EZR: variants seen among roughly 807,000 people sequenced by gnomAD.
EZR encodes ezrin.
A neutral mutation model predicts 74.8 loss-of-function variants in EZR; 40 were observed. The ratio of observed to expected loss-of-function variants is 0.53; its 90% CI spans 0.42 to 0.70. The LOEUF (loss-of-function observed/expected upper bound fraction) is 0.70, where lower values mean the gene tolerates loss of function less well. Ranked by LOEUF, EZR falls within the 30% of genes least tolerant of loss-of-function variation. The probability of loss-of-function intolerance (pLI) is 0.00; values close to 1 mark genes in which losing one functional copy is unlikely to be tolerated. For synonymous variants in EZR, 341 were observed against 283.3 expected, an observed-to-expected ratio of 1.20 and a Z score of -2.05; for missense variants, 678 against 755.8, an observed-to-expected ratio of 0.90 and a Z score of 1.21.
chr6:158,779,115 CTAAGA>C (rs895068214), intron 7 of EZR, among the ~76,000 whole-genome samples: 8 of 152,112 alleles, frequency 5.3e-5, no homozygotes, highest in South Asian at 2.1e-4. Context: ...TTAGCACCAC[CTAAGA>C]TAAGATATAC....
chr6:158,805,802 T>G (rs925117330), intron 2 of EZR, among the ~76,000 whole-genome samples: 4 of 152,192 alleles, frequency 2.6e-5, no homozygotes, highest in African/African-American at 9.7e-5. Flanking sequence ...AAAGACATGG[T>G]GTACATTTTA....
intron 7 of EZR, among the ~76,000 whole-genome samples, chr6:158,781,257 T>G (rs1791424901): frequency 6.6e-6 from 1 of 152,190 alleles, no homozygotes; most frequent in Non-Finnish European, 1.5e-5. Flanking sequence ...ATTAAATGAC[T>G]GAATATCTAC....
intron 2 of EZR, among the ~76,000 whole-genome samples, chr6:158,815,064 C>G (rs1219729644): frequency 6.6e-6 from 1 of 152,098 alleles, no homozygotes; most frequent in African/African-American, 2.4e-5. Flanking sequence ...TGTGTTTGCC[C>G]CTTAATCCAG....
intron 8 of EZR, among the ~76,000 whole-genome samples, chr6:158,773,451 G>C (rs1452666570): frequency 6.6e-6 from 1 of 152,226 alleles, no homozygotes; most frequent in Non-Finnish European, 1.5e-5. Context: ...CCTGATGCAG[G>C]ATGCAGCTTC....
At chr6:158,809,708 G>C (rs1476259766) in intron 2 of EZR, among the ~76,000 whole-genome samples, 2 of 152,076 alleles carry the variant, frequency 1.3e-5, no homozygotes, top group Non-Finnish European at 2.9e-5. Flanking sequence ...TATATACAAG[G>C]TTAGAATAAA....
intron 2 of EZR, 181 bp downstream of exon 2, chr6:158,817,901 A>T: frequency 2.0e-6 from 1 of 491,822 alleles, no homozygotes; most frequent in Non-Finnish European, 3.6e-6. Context: ...GTGTTTTCCT[A>T]ACGCTCCACA....
At chr6:158,815,117 C>G (rs375428016) in intron 2 of EZR, among the ~76,000 whole-genome samples, 1 of 152,178 alleles carries the variant, frequency 6.6e-6, no homozygotes, top group South Asian at 2.1e-4. Flanking sequence ...ACATTCTTCG[C>G]TAACATTCTT....
intron 2 of EZR, among the ~76,000 whole-genome samples, chr6:158,811,911 G>A (rs1486729319): frequency 7.5e-6 from 1 of 133,888 alleles, no homozygotes; most frequent in African/African-American, 2.7e-5. Context: ...ATTAACAAAA[G>A]AGGCCAGTGT....
chr6:158,803,545 GTATATA>G (rs1428301652), intron 2 of EZR, among the ~76,000 whole-genome samples: 2 of 11,202 alleles, frequency 1.8e-4, no homozygotes, highest in South Asian at 3.1e-3. Flanking sequence ...ATATATATAT[GTATATA>G]TATATATATA....
intron 2 of EZR, among the ~76,000 whole-genome samples, chr6:158,802,507 T>C (rs965030002): frequency 1.3e-5 from 2 of 152,212 alleles, no homozygotes; most frequent in Non-Finnish European, 2.9e-5. Context: ...TACTTGACTA[T>C]GGCTAGTTAG....
intron 2 of EZR, among the ~76,000 whole-genome samples, chr6:158,802,619 C>T (rs1777210880): frequency 6.6e-6 from 1 of 152,178 alleles, no homozygotes; most frequent in Non-Finnish European, 1.5e-5. Flanking sequence ...GCAACCTCCA[C>T]CTCCCGGGTT....
intron 3 of EZR, among the ~76,000 whole-genome samples, chr6:158,789,047 T>G (rs1176418737): frequency 6.6e-6 from 1 of 152,258 alleles, no homozygotes; most frequent in East Asian, 1.9e-4. Flanking sequence ...TGAATCCGCC[T>G]GACTTTATAC....
chr6:158,803,607 A>G (rs1422999755), intron 2 of EZR, among the ~76,000 whole-genome samples: 1 of 15,154 alleles, frequency 6.6e-5, no homozygotes, highest in East Asian at 1.2e-3. Flanking sequence ...ATATATATAC[A>G]TATATATATA....
At chr6:158,797,477 T>C (rs1344240049) in intron 2 of EZR, among the ~76,000 whole-genome samples, 1 of 152,204 alleles carries the variant, frequency 6.6e-6, no homozygotes, top group Non-Finnish European at 1.5e-5. Context: ...AGTAGAGCCA[T>C]CCAGCCACCA....
chr6:158,781,546 T>C (rs1343941954), intron 7 of EZR, among the ~76,000 whole-genome samples: 1 of 152,176 alleles, frequency 6.6e-6, no homozygotes, highest in Non-Finnish European at 1.5e-5. Flanking sequence ...ATGGCTGTTT[T>C]CCTGCAGGTT....
intron 2 of EZR, among the ~76,000 whole-genome samples, chr6:158,805,331 T>A (rs1238766063): frequency 1.7e-5 from 2 of 118,630 alleles, no homozygotes; most frequent in African/African-American, 7.2e-5. Flanking sequence ...AGAGACTCCA[T>A]CTCAGGAAAA....
chr6:158,805,135 G>A (rs1161952558), intron 2 of EZR, among the ~76,000 whole-genome samples: 2 of 151,888 alleles, frequency 1.3e-5, no homozygotes, highest in African/African-American at 4.8e-5. Flanking sequence ...GAGGTCAGGC[G>A]ACCAAGACCA....
In EZR at chr6:158,774,221, C is replaced by T. The variant is rs113704019; in HGVS notation, c.795+2187G>A. ...TACAGACTGAGGTGGGGCAGTGCCT[C>T]GAGCAGCCCTGGGGTGCTGTGGGGG... On this transcript the variant is annotated intron_variant, in intron 8 of 13. Transcript: ENST00000367075. 1.2e-4 allele frequency among the ~76,000 whole-genome samples: 19 copies of T among 152,246 alleles called. 1 individual carries two copies. The highest frequency in any genetic ancestry group is 3.4e-3 in the Middle Eastern group (1 of 294).
intron 8 of EZR, 64 bp from the exon 9 acceptor site, chr6:158,771,471 T>C: frequency 1.3e-6 from 2 of 1,506,086 alleles, no homozygotes; most frequent in African/African-American, 1.4e-5. Flanking sequence ...CTCCAAACCA[T>C]CCTTCACAAA....
Sources: gnomAD v4.1 joint callset for allele counts (sites outside exome capture counted in the v4.1 genomes callset) on GRCh38, gnomAD v4.1.1 for gene constraint, MANE v1.5 for transcripts, NCBI Gene and HGNC (gene_info 2026-07-23, HGNC 2026-07-21) for gene names.